Variants in NPR3 observed in about 807,000 individuals in gnomAD.
The protein encoded by NPR3 is atrial natriuretic peptide receptor 3.
In NPR3, 34 loss-of-function variants were observed where a neutral mutation model predicts 54.5. The ratio of observed to expected loss-of-function variants is 0.62; its 90% CI spans 0.47 to 0.83. The LOEUF (loss-of-function observed/expected upper bound fraction) is 0.83, where lower values mean the gene tolerates loss of function less well. Ranked by LOEUF, NPR3 falls within the 40% of genes least tolerant of loss-of-function variation. The probability of loss-of-function intolerance (pLI) is 0.00; values close to 1 mark genes in which losing one functional copy is unlikely to be tolerated. For missense variants in NPR3, 674 were observed against 720.8 expected (o/e 0.94, Z 0.74); for synonymous variants, 289 against 297.1 (o/e 0.97, Z 0.28).
At chr5:32,702,544 G>GA (rs1169291236) in intron 1 of NPR3, among the ~76,000 whole-genome samples, 3 of 151,686 alleles carry the variant, frequency 2.0e-5, no homozygotes, top group African/African-American at 7.3e-5. Context: ...AGTTTACTGA[G>GA]AATGATGATT....
At chr5:32,756,346 A>G (rs1740839431) in intron 3 of NPR3, among the ~76,000 whole-genome samples, 1 of 152,322 alleles carries the variant, frequency 6.6e-6, no homozygotes, top group South Asian at 2.1e-4. Flanking sequence ...CATTTCTCTG[A>G]TGGCCAGTGA....
At position 32,786,735 on chromosome 5, in the gene NPR3, C is replaced by G. The variant is rs895337908; in HGVS notation, c.*390C>G. 2 of 190,486 alleles carry G rather than the reference C, an allele frequency of 1.0e-5. No individual in the cohort carries two copies. Among genetic ancestry groups the G allele is most frequent in the African/African-American group, 4.8e-5 (2 of 41,752 alleles). 11.8% of individuals were successfully genotyped at this position (190,486 alleles called of 1,614,324 possible). A position where few individuals can be genotyped will look rare whatever the true frequency, so the allele number is the denominator to read the frequency against. ...TGTAGCTAGAATAAAATCATTTTTA[C>G]AAGTACAGCATTCTTGGAAAGAATT... is the stretch of plus-strand genomic sequence containing the variant. On this transcript the variant is annotated 3_prime_UTR_variant, in exon 8 of 8. Coordinates refer to ENST00000265074, the MANE Select transcript of NPR3 (RefSeq NM_001204375.2).
chr5:32,757,366 A>G (rs1249017372), intron 3 of NPR3, among the ~76,000 whole-genome samples: 4 of 152,290 alleles, frequency 2.6e-5, no homozygotes, highest in East Asian at 3.9e-4. Context: ...CTTTGAAGCA[A>G]TTGTGAATGG....
intron 4 of NPR3, among the ~76,000 whole-genome samples, chr5:32,779,023 C>CA (rs966070113): frequency 1.1e-4 from 17 of 152,146 alleles, no homozygotes; most frequent in Admixed American, 3.3e-4. Flanking sequence ...TTTAAGAAGA[C>CA]AAAAAAATCA....
chr5:32,748,008 C>T (rs1561106577), intron 3 of NPR3, among the ~76,000 whole-genome samples: 1 of 152,172 alleles, frequency 6.6e-6, no homozygotes, highest in Non-Finnish European at 1.5e-5. Flanking sequence ...CCTACCTCAG[C>T]CTCCCACAGT....
intron 3 of NPR3, among the ~76,000 whole-genome samples, chr5:32,755,938 A>G (rs1446786032): frequency 2.0e-5 from 3 of 152,096 alleles, no homozygotes; most frequent in African/African-American, 7.2e-5. Context: ...TGAACTCATC[A>G]TTTTTTATGG....
rs771820201 is a variant in NPR3, at chr5:32,786,230, C to T, written c.1515-4C>T. The T allele has an allele frequency of 7.9e-7, 1 of 1,269,246 alleles. No homozygotes were observed. Among genetic ancestry groups the T allele is most frequent in the South Asian group, 1.3e-5 (1 of 74,494 alleles). The allele number at this position is 1,269,246 out of a possible 1,614,324, so 78.6% of individuals were successfully genotyped here. ...ATTACCACATTCACTTTCCCTTTAC[C>T]CAGGAAGAAATACAGAATAACCATT... is the stretch of plus-strand genomic sequence containing the variant. On this transcript the variant is annotated splice_region_variant and splice_polypyrimidine_tract_variant and intron_variant, in intron 7 of 7. Coordinates refer to ENST00000265074, the MANE Select transcript of NPR3 (RefSeq NM_001204375.2).
Position 32,738,972 on chromosome 5 carries a change from A to G in NPR3, c.1001A>G (p.Lys334Arg). 6.2e-7 allele frequency: 1 copy of G among 1,614,024 alleles called. No individual in the cohort carries two copies. The highest frequency in any genetic ancestry group is 1.3e-5 in the African/African-American group (1 of 75,058). ...AGGACAGTGAAACCTGAGTTTGAGA[A>G]GTTTTCCATGGAGGTGAAAAGTTCA... is the stretch of plus-strand genomic sequence containing the variant. ...LLRTVKPEFE[K>R]FSMEVKSSVE... is the part of the protein sequence containing the mutation. The change falls in exon 3 of 8, where the codon AAG becomes AGG. Residue 334 changes from lysine (K) to arginine (R), a missense_variant. By Grantham distance (26) the Lys-to-Arg change is conservative. Transcript: ENST00000265074.
Position 32,786,585 on chromosome 5 carries a change from T to C in NPR3, c.*240T>C. 1 of 476,672 alleles carries C rather than the reference T, an allele frequency of 2.1e-6. No individual in the cohort carries two copies. The highest frequency in any genetic ancestry group is 2.0e-5 in the African/African-American group (1 of 49,056). The allele number at this position is 476,672 out of a possible 1,614,324, so 29.5% of individuals were successfully genotyped here. On this transcript the variant is annotated 3_prime_UTR_variant, in exon 8 of 8. Transcript: ENST00000265074. The stretch of plus-strand genomic sequence containing the variant: ...GATATCGTGTCACTCTGTTAAATGT[T>C]CATACTGTTTCAAGCCCATATGATT...
At chr5:32,781,703 T>C (rs1742345990) in intron 5 of NPR3, among the ~76,000 whole-genome samples, 1 of 152,220 alleles carries the variant, frequency 6.6e-6, no homozygotes, top group Admixed American at 6.5e-5. Flanking sequence ...TGAATGATTG[T>C]TTTGCCCACT....
chr5:32,705,955 T>C (rs1242096440), upstream of NPR3, among the ~76,000 whole-genome samples: 1 of 152,180 alleles, frequency 6.6e-6, no homozygotes, highest in Non-Finnish European at 1.5e-5. Flanking sequence ...ACAAGTGAAA[T>C]ATCCCAAAGC....
At chr5:32,743,995 T>C (rs867935932) in intron 3 of NPR3, among the ~76,000 whole-genome samples, 23,245 of 141,716 alleles carry the variant, frequency 0.16, 1,828 homozygotes, top group South Asian at 0.28. Context: ...GCATTTTTTT[T>C]TTTTTTTTTT....
chr5:32,777,109 G>A (rs931389571), intron 4 of NPR3, among the ~76,000 whole-genome samples: 1 of 152,214 alleles, frequency 6.6e-6, no homozygotes, highest in African/African-American at 2.4e-5. Flanking sequence ...AGCCCGAGAG[G>A]TAATGGGGCC....
intron 1 of NPR3, chr5:32,713,596 C>A: frequency 3.9e-6 from 2 of 512,442 alleles, no homozygotes; most frequent in Non-Finnish European, 5.0e-6. Flanking sequence ...CCCGGCAAAG[C>A]TCCCCGAGAC....
rs1482870524 is a variant in NPR3, at chr5:32,787,795, TAGAC to T, written c.*1453_*1456del. 3.3e-5 allele frequency: 5 copies of T among 152,242 alleles called. No individual in the cohort carries two copies. Among genetic ancestry groups the T allele is most frequent in the Admixed American group, 3.3e-4 (5 of 15,276 alleles). 9.4% of individuals were successfully genotyped at this position (152,242 alleles called of 1,614,324 possible). A position where few individuals can be genotyped will look rare whatever the true frequency, so the allele number is the denominator to read the frequency against. ...TTTCACTTATACTTTATGGAGAAGATAGACAGTGAGGGAGGAATGGGAAGCTGTC... is the reference window on the plus strand; with the variant it reads ...TTTCACTTATACTTTATGGAGAAGATAGTGAGGGAGGAATGGGAAGCTGTC... On this transcript the variant is annotated 3_prime_UTR_variant, in exon 8 of 8. Coordinates refer to ENST00000265074, the MANE Select transcript of NPR3 (RefSeq NM_001204375.2).
At chr5:32,708,472 A>C (rs1184319053), upstream of NPR3, among the ~76,000 whole-genome samples, 1 of 152,158 alleles carries the variant, frequency 6.6e-6, no homozygotes, top group Admixed American at 6.5e-5. Flanking sequence ...TGATATAAAG[A>C]ATGTTATTAC....
Position 32,695,421 on chromosome 5 carries a change from C to T in NPR3, c.100+6235C>T, listed in dbSNP as rs111411637. Among the ~76,000 whole-genome samples, 568 of 152,304 alleles carry T rather than the reference C, an allele frequency of 3.7e-3. 5 individuals are homozygous for T. The highest frequency in any genetic ancestry group is 0.013 in the African/African-American group (539 of 41,562). On this transcript the variant is annotated intron_variant, in intron 1 of 5. Coordinates refer to the NPR3 transcript ENST00000509104. The stretch of plus-strand genomic sequence containing the variant: ...CTGGGACTACAGGTGCCCGCCACCA[C>T]GCCCGCCCGGCTAATTTTTTGTACT...
intron 1 of NPR3, among the ~76,000 whole-genome samples, chr5:32,722,429 T>A (rs1445457343): frequency 6.6e-6 from 1 of 152,250 alleles, no homozygotes; most frequent in African/African-American, 2.4e-5. Flanking sequence ...ATAACCATCC[T>A]GGACCTCATT....
In NPR3 at chr5:32,711,354, T is replaced by C. The variant is rs1229585676; in HGVS notation, c.-423T>C. On this transcript the variant is annotated 5_prime_UTR_variant, in exon 1 of 8. The change abolishes an upstream ATG in the 5' untranslated region. Coordinates refer to ENST00000265074, the MANE Select transcript of NPR3 (RefSeq NM_001204375.2). ...TCAATGAGATCAAATGCGAGGGAGATGCACCGTCAATTACAAACACTTGGA... is the reference window on the plus strand; with the variant it reads ...TCAATGAGATCAAATGCGAGGGAGACGCACCGTCAATTACAAACACTTGGA... 2.0e-6 allele frequency: 2 copies of C among 990,102 alleles called. No homozygotes were observed. The highest frequency in any genetic ancestry group is 3.5e-5 in the African/African-American group (2 of 57,426). The allele number at this position is 990,102 out of a possible 1,614,324, so 61.3% of individuals were successfully genotyped here. A position where few individuals can be genotyped will look rare whatever the true frequency, so the allele number is the denominator to read the frequency against.
Sources: allele counts gnomAD v4.1 joint callset (sites outside exome capture counted in the v4.1 genomes callset), GRCh38; gene constraint gnomAD v4.1.1; transcripts MANE v1.5; gene names NCBI Gene and HGNC (gene_info 2026-07-23, HGNC 2026-07-21).